The following SH3BP5 variants were observed in gnomAD, a reference collection of about 807,000 sequenced individuals.
SH3BP5 encodes SH3 domain binding protein 5, also known as SH3 domain-binding protein 5.
A neutral mutation model predicts 43.3 loss-of-function variants in SH3BP5; 22 were observed. The ratio of observed to expected loss-of-function variants is 0.51; its 90% CI spans 0.36 to 0.73. SH3BP5 has a LOEUF of 0.73. Among genes scored for constraint, SH3BP5 ranks in the 30% least tolerant of loss-of-function variants. SH3BP5 has a pLI of 0.00. For synonymous variants in SH3BP5, 255 were observed against 225.8 expected, an observed-to-expected ratio of 1.13 and a Z score of -1.16; for missense variants, 529 against 586.9, an observed-to-expected ratio of 0.90 and a Z score of 1.02.
At chr3:15,304,909 G>C (rs1177713210) in intron 2 of SH3BP5, among the ~76,000 whole-genome samples, 2 of 151,692 alleles carry the variant, frequency 1.3e-5, no homozygotes, top group African/African-American at 4.8e-5. Context: ...CACTGTGGGG[G>C]AGATATCGGT....
chr3:15,266,238 G>C (rs1385929733), intron 4 of SH3BP5, among the ~76,000 whole-genome samples: 1 of 152,176 alleles, frequency 6.6e-6, no homozygotes, highest in African/African-American at 2.4e-5. Context: ...CTAAGAAGGC[G>C]CTTCTTCCCA....
chr3:15,328,503 AG>A (rs1464046015), intron 2 of SH3BP5, among the ~76,000 whole-genome samples: 1 of 151,928 alleles, frequency 6.6e-6, no homozygotes, highest in Non-Finnish European at 1.5e-5. Context: ...CCAAGGTGGG[AG>A]GATCACTTTG....
intron 2 of SH3BP5, 172 bp from the exon 3 acceptor site, chr3:15,304,403 G>T: frequency 9.9e-7 from 1 of 1,009,392 alleles, no homozygotes; most frequent in Non-Finnish European, 1.5e-6. Flanking sequence ...ACAGCTTCCT[G>T]CCACGGCGGA....
chr3:15,278,817 T>C (rs1462767553), intron 3 of SH3BP5, among the ~76,000 whole-genome samples: 1 of 152,236 alleles, frequency 6.6e-6, no homozygotes, highest in Non-Finnish European at 1.5e-5. Flanking sequence ...TAAATGTAGC[T>C]TGTGGCACGG....
chr3:15,262,359 A>AT, intron 4 of SH3BP5, 70 bp from the exon 5 acceptor site: 1 of 1,526,956 alleles, frequency 6.5e-7, no homozygotes, highest in Non-Finnish European at 8.9e-7. Flanking sequence ...TACTTATATT[A>AT]TTTTTCAAAA....
At chr3:15,277,489 T>C (rs1171185216) in intron 3 of SH3BP5, among the ~76,000 whole-genome samples, 1 of 152,078 alleles carries the variant, frequency 6.6e-6, no homozygotes, top group Non-Finnish European at 1.5e-5. Context: ...CCTGCTGCTG[T>C]AGGAGCTGAG....
rs1034247843 is a variant in SH3BP5, at chr3:15,255,906, A to T, written c.*180T>A. 4 of 616,754 alleles carry T rather than the reference A, an allele frequency of 6.5e-6. No homozygotes were observed. In the African/African-American group the frequency reaches 7.3e-5, roughly 11 times the overall value. The allele number at this position is 616,754 out of a possible 1,614,324, so 38.2% of individuals were successfully genotyped here. On this transcript the variant is annotated 3_prime_UTR_variant, in exon 9 of 9. Coordinates refer to ENST00000383791, the MANE Select transcript of SH3BP5 (RefSeq NM_004844.5). ...CACAACAAGAACTCTGCTCTGAAAA[A>T]CCAGCCCAAGAGCTCTTACCCAGAA...
At chr3:15,256,414 C>G (rs1696201831) in intron 8 of SH3BP5, 111 bp from the exon 9 acceptor site, 4 of 1,192,778 alleles carry the variant, frequency 3.4e-6, no homozygotes, top group South Asian at 2.8e-5. Flanking sequence ...GTCACTTGAG[C>G]TCAAACCAGT....
chr3:15,299,483 ATTTTTTTTTT>A (rs60281447), intron 3 of SH3BP5, among the ~76,000 whole-genome samples: 1,835 of 92,302 alleles, frequency 0.02, 50 homozygotes, highest in African/African-American at 0.061. Flanking sequence ...CAACAATTAG[ATTTTTTTTTT>A]TTTTTTTTTT....
rs1698643121 is a variant in SH3BP5, at chr3:15,332,550, C to T, written c.-142G>A. 2 of 1,236,560 alleles carry T rather than the reference C, an allele frequency of 1.6e-6. No individual in the cohort carries two copies. Among genetic ancestry groups the T allele is most frequent in the South Asian group, 3.4e-5 (1 of 29,588 alleles). 76.6% of individuals were successfully genotyped at this position (1,236,560 alleles called of 1,614,324 possible). A position where few individuals can be genotyped will look rare whatever the true frequency, so the allele number is the denominator to read the frequency against. ...GGGCCGACACCCGGGAGACGCAGCT[C>T]GCCGATGCGGATACCTCCGGCCGCG... is the stretch of plus-strand genomic sequence containing the variant. On this transcript the variant is annotated 5_prime_UTR_variant, in exon 1 of 9. Coordinates refer to ENST00000383791, the MANE Select transcript of SH3BP5 (RefSeq NM_004844.5).
chr3:15,268,131 G>C lies in SH3BP5; in HGVS notation c.495+1582C>G, dbSNP rs565390912. ...GCATCACGCCCACTAGGGGGCAGGA[G>C]GCGCAAGGCCACACAAAGCCAAGCT... On this transcript the variant is annotated intron_variant, in intron 4 of 8. Coordinates refer to ENST00000383791, the MANE Select transcript of SH3BP5 (RefSeq NM_004844.5). Among the ~76,000 whole-genome samples the C allele has an allele frequency of 6.6e-5, 10 of 152,342 alleles. No individual in the cohort carries two copies. The South Asian group carries it at 1.9e-3, about 28-fold the overall frequency.
Position 15,291,767 on chromosome 3 carries a change from G to A in SH3BP5, c.330+12336C>T, listed in dbSNP as rs113648151. On this transcript the variant is annotated intron_variant, in intron 3 of 8. Transcript: ENST00000383791. ...GGAAGCAGGGTATTCCAAGCTATGG[G>A]AATGTTTGTAAGTCAGAACCACTTG... Among the ~76,000 whole-genome samples the A allele has an allele frequency of 6.9e-3, 1,048 of 152,310 alleles. 12 individuals are homozygous for A. Among genetic ancestry groups the A allele is most frequent in the African/African-American group, 0.024 (1,006 of 41,554 alleles).
intron 2 of SH3BP5, among the ~76,000 whole-genome samples, chr3:15,320,709 A>G (rs1698304857): frequency 6.6e-6 from 1 of 152,044 alleles, no homozygotes; most frequent in Non-Finnish European, 1.5e-5. Flanking sequence ...TTAAAAGGCT[A>G]CAGTCCACAG....
chr3:15,275,675 A>G (rs183648431), intron 3 of SH3BP5: 1 of 152,302 alleles, frequency 6.6e-6, no homozygotes, highest in Admixed American at 6.5e-5. Flanking sequence ...TACCTTCATG[A>G]CTTACAGACA....
Position 15,255,636 on chromosome 3 carries a change from G to A in SH3BP5, c.*450C>T, listed in dbSNP as rs1205560753. ...ATGTGCTCTTAATACTTGAGTTTTT[G>A]CTTTGTGTGTGGGTTTTCTTTCTTT... On this transcript the variant is annotated 3_prime_UTR_variant, in exon 9 of 9. Transcript: ENST00000383791. 1.3e-5 allele frequency: 2 copies of A among 153,604 alleles called. No homozygotes were observed. The highest frequency in any genetic ancestry group is 2.9e-5 in the Non-Finnish European group (2 of 69,210). 9.5% of individuals were successfully genotyped at this position (153,604 alleles called of 1,614,324 possible). A position where few individuals can be genotyped will look rare whatever the true frequency, so the allele number is the denominator to read the frequency against.
chr3:15,268,969 C>A (rs968293077), intron 4 of SH3BP5, among the ~76,000 whole-genome samples: 3 of 152,196 alleles, frequency 2.0e-5, no homozygotes, highest in Middle Eastern at 3.2e-3. Context: ...TACCAATGCA[C>A]TTCTCATCCT....
rs776939075 is a variant in SH3BP5, at chr3:15,270,156, G to A, written c.331-279C>T. ...GGCCAGAACCTGACATGGCAAACCA[G>A]CCCATCGTGGGACAGGTACAGCCAA... On this transcript the variant is annotated intron_variant, in intron 3 of 8. Transcript: ENST00000383791. 1.1e-3 allele frequency among the ~76,000 whole-genome samples: 162 copies of A among 152,276 alleles called. 1 individual carries two copies. Among genetic ancestry groups the A allele is most frequent in the Non-Finnish European group, 1.0e-3 (68 of 68,014 alleles).
intron 3 of SH3BP5, among the ~76,000 whole-genome samples, chr3:15,279,182 C>G (rs1439351143): frequency 1.3e-5 from 2 of 150,774 alleles, no homozygotes; most frequent in Admixed American, 1.3e-4. Flanking sequence ...GGAAAAGAAA[C>G]AAACAAAAAA....
At chr3:15,331,378 A>C (rs576766702) in intron 1 of SH3BP5, among the ~76,000 whole-genome samples, 235 of 152,370 alleles carry the variant, frequency 1.5e-3, no homozygotes, top group Non-Finnish European at 2.6e-3. Flanking sequence ...TAAAAAACCA[A>C]TTAGGTATCC....
Sources: gnomAD v4.1 joint callset for allele counts (sites outside exome capture counted in the v4.1 genomes callset) on GRCh38, gnomAD v4.1.1 for gene constraint, MANE v1.5 for transcripts, NCBI Gene and HGNC (gene_info 2026-07-23, HGNC 2026-07-21) for gene names.